ANO3: variants seen among roughly 807,000 people sequenced by gnomAD.
ANO3 encodes anoctamin-3.
ANO3 carries 99 observed loss-of-function variants against 144.8 expected under a neutral mutation model. That is an observed-to-expected ratio of 0.68 (90% CI 0.58 to 0.81). The LOEUF (loss-of-function observed/expected upper bound fraction) is 0.81. ANO3 is among the 30% of genes least tolerant of loss of function. The pLI is 0.00. For synonymous variants in ANO3, 414 were observed against 392.6 expected (o/e 1.05, Z -0.64); for missense variants, 905 against 1,202.2 (o/e 0.75, Z 3.66).
At chr11:26,218,738 G>A (rs2133790216) in intron 1 of ANO3, among the ~76,000 whole-genome samples, 1 of 152,172 alleles carries the variant, frequency 6.6e-6, no homozygotes, top group South Asian at 2.1e-4. Flanking sequence ...AAGGTTTTTG[G>A]TTTGTTTTTT....
At position 26,553,240 on chromosome 11, in the gene ANO3, TTTC is replaced by T; in HGVS notation, c.1290-7_1290-5del. 1.3e-6 allele frequency: 2 copies of T among 1,552,664 alleles called. No individual in the cohort carries two copies. Among genetic ancestry groups the T allele is most frequent in the African/African-American group, 2.7e-5 (2 of 73,198 alleles). Reference sequence around the variant, plus strand: ...TTTTGTTTTGTTTTTGTTTTTGTTTTTTCTCAAGCCAAGAAATTTGTAAAGCCA... The same window carrying T: ...TTTTGTTTTGTTTTTGTTTTTGTTTTTCAAGCCAAGAAATTTGTAAAGCCA... On this transcript the variant is annotated splice_polypyrimidine_tract_variant and splice_region_variant and intron_variant, in intron 12 of 26. Transcript: ENST00000256737.
intron 1 of ANO3, among the ~76,000 whole-genome samples, chr11:26,197,058 G>A (rs1199868664): frequency 1.3e-5 from 2 of 152,156 alleles, no homozygotes; most frequent in Non-Finnish European, 2.9e-5. Flanking sequence ...ATATGTGTAA[G>A]CACACTGCCT....
chr11:26,269,517 G>A (rs773114727), intron 1 of ANO3, among the ~76,000 whole-genome samples: 8 of 152,196 alleles, frequency 5.3e-5, no homozygotes, highest in Non-Finnish European at 1.0e-4. Context: ...TATGGAATGG[G>A]GGAGCCAGTG....
intron 1 of ANO3, among the ~76,000 whole-genome samples, chr11:26,374,950 G>A (rs1246201167): frequency 6.6e-6 from 1 of 152,082 alleles, no homozygotes. Context: ...CACCATGTTG[G>A]CCAGGCTGGT....
At position 26,646,718 on chromosome 11, in the gene ANO3, A is replaced by G. The variant is rs550074525; in HGVS notation, c.2429-991A>G. On this transcript the variant is annotated intron_variant, in intron 23 of 26. Transcript: ENST00000256737. ...GTCTATTTTTCTCTAGGTTTATCTT[A>G]TTAACATCTTAGGATCTTTTTGTAT... 8.6e-4 allele frequency among the ~76,000 whole-genome samples: 131 copies of G among 152,232 alleles called. 2 individuals carry two copies. The highest frequency in any genetic ancestry group is 5.2e-3 in the South Asian group (25 of 4,832).
chr11:26,617,175 A>G (rs949661839), intron 17 of ANO3, among the ~76,000 whole-genome samples: 11 of 152,166 alleles, frequency 7.2e-5, no homozygotes, highest in Middle Eastern at 3.2e-3. Flanking sequence ...GTTGCTTCTT[A>G]AAGTCCAATC....
At chr11:26,402,278 TC>T (rs1409597592) in intron 1 of ANO3, among the ~76,000 whole-genome samples, 1 of 152,076 alleles carries the variant, frequency 6.6e-6, no homozygotes, top group Non-Finnish European at 1.5e-5. Context: ...CATTCCTTTT[TC>T]TCCACAACTT....
rs1406380528 is a variant in ANO3, at chr11:26,322,227, T to G, written c.-3+12508T>G. Among the ~76,000 whole-genome samples, 4 of 152,226 alleles carry G rather than the reference T, an allele frequency of 2.6e-5. No individual in the cohort carries two copies. In the East Asian group the frequency reaches 7.7e-4, roughly 29 times the overall value. On this transcript the variant is annotated intron_variant, in intron 1 of 26. Transcript: ENST00000525139. ...TGATTTTTTACTAATATACTCATTT[T>G]TAAGAACAGTTTTAAACTTATAAAA...
chr11:26,459,872 G>A (rs1406064399), intron 3 of ANO3, among the ~76,000 whole-genome samples: 1 of 151,984 alleles, frequency 6.6e-6, no homozygotes, highest in African/African-American at 2.4e-5. Context: ...TTATTAAGAT[G>A]GCAATAGTTT....
At chr11:26,245,018 T>TGTGTGTGTGTGCGCGCGCGC (rs151031559) in intron 1 of ANO3, among the ~76,000 whole-genome samples, 1 of 145,324 alleles carries the variant, frequency 6.9e-6, no homozygotes, top group Non-Finnish European at 1.5e-5. Flanking sequence ...TGTGTGTGTG[T>TGTGTGTGTGTGCGCGCGCGC]GTGCATGCAT....
At chr11:26,265,889 G>T (rs994700600) in intron 1 of ANO3, among the ~76,000 whole-genome samples, 9 of 152,134 alleles carry the variant, frequency 5.9e-5, no homozygotes, top group African/African-American at 2.2e-4. Context: ...CAAATCAAAA[G>T]ATGTCAATGA....
chr11:26,413,559 C>A (rs957064113), intron 1 of ANO3, among the ~76,000 whole-genome samples: 2 of 151,954 alleles, frequency 1.3e-5, no homozygotes, highest in African/African-American at 4.8e-5. Context: ...TGCTGGCAAT[C>A]TAATTTAAAA....
intron 11 of ANO3, among the ~76,000 whole-genome samples, chr11:26,546,823 G>A (rs1292958378): frequency 1.3e-5 from 2 of 151,974 alleles, no homozygotes; most frequent in Non-Finnish European, 2.9e-5. Context: ...CAATCGTATA[G>A]GGAGGAAAAG....
intron 3 of ANO3, among the ~76,000 whole-genome samples, chr11:26,448,923 T>G (rs965690598): frequency 1.3e-5 from 2 of 151,926 alleles, no homozygotes; most frequent in Admixed American, 6.5e-5. Flanking sequence ...ATCTCCCTGC[T>G]CAAAATCTTG....
At chr11:26,576,910 T>A (rs1266556184) in intron 14 of ANO3, among the ~76,000 whole-genome samples, 1 of 152,186 alleles carries the variant, frequency 6.6e-6, no homozygotes, top group Non-Finnish European at 1.5e-5. Context: ...TCAACAATAA[T>A]AACAAAAAGT....
chr11:26,316,892 T>C (rs1854638797), intron 1 of ANO3, among the ~76,000 whole-genome samples: 2 of 152,228 alleles, frequency 1.3e-5, no homozygotes, highest in South Asian at 4.1e-4. Context: ...CAACCTTGCA[T>C]TGTCTTTACA....
At chr11:26,647,964 C>T (rs1446493265) in intron 24 of ANO3, 108 bp downstream of exon 24, 2 of 1,052,618 alleles carry the variant, frequency 1.9e-6, no homozygotes, top group Admixed American at 2.7e-5. Flanking sequence ...TGTTTCTAAG[C>T]ATTGCATTTA....
intron 6 of ANO3, among the ~76,000 whole-genome samples, chr11:26,521,120 A>G (rs1590452482): frequency 6.6e-6 from 1 of 152,246 alleles, no homozygotes; most frequent in South Asian, 2.1e-4. Flanking sequence ...ATAATAAAGG[A>G]ATGCTATTCA....
intron 5 of ANO3, among the ~76,000 whole-genome samples, chr11:26,514,813 G>A (rs757109882): frequency 2.6e-5 from 4 of 151,990 alleles, no homozygotes; most frequent in Admixed American, 6.6e-5. Flanking sequence ...CATTCAAATA[G>A]ATGTATGCTT....
Sources: gnomAD v4.1 joint callset for allele counts (sites outside exome capture counted in the v4.1 genomes callset) on GRCh38, gnomAD v4.1.1 for gene constraint, MANE v1.5 for transcripts, NCBI Gene and HGNC (gene_info 2026-07-23, HGNC 2026-07-21) for gene names.